Variants in TRPC6 observed in about 807,000 individuals in gnomAD.
TRPC6 encodes the protein short transient receptor potential channel 6.
In TRPC6, 55 loss-of-function variants were observed where a neutral mutation model predicts 90.7. That is an observed-to-expected ratio of 0.61 (90% CI 0.49 to 0.76). The LOEUF (loss-of-function observed/expected upper bound fraction) is 0.76. TRPC6 is among the 30% of genes least tolerant of loss of function. The probability of loss-of-function intolerance (pLI) is 0.00; values close to 1 mark genes in which losing one functional copy is unlikely to be tolerated. For missense variants in TRPC6, 989 were observed against 1,122.7 expected (o/e 0.88, Z 1.70); for synonymous variants, 393 against 393.0 (o/e 1.00, Z 0.00).
chr11:101,518,692 A>G (rs1308792745), intron 1 of TRPC6, among the ~76,000 whole-genome samples: 1 of 152,230 alleles, frequency 6.6e-6, no homozygotes, highest in Non-Finnish European at 1.5e-5. Flanking sequence ...TGCTGGGTAT[A>G]TACACAAAAG....
intron 1 of TRPC6, among the ~76,000 whole-genome samples, chr11:101,571,760 G>C (rs1482252939): frequency 6.6e-6 from 1 of 152,152 alleles, no homozygotes; most frequent in Non-Finnish European, 1.5e-5. Context: ...GCAAAAACAA[G>C]AAATGGGGAA....
intron 10 of TRPC6, among the ~76,000 whole-genome samples, chr11:101,465,340 C>T (rs7947695): frequency 0.31 from 46,742 of 152,024 alleles, 9,325 homozygotes; most frequent in African/African-American, 0.57. Context: ...GCCTGTCTTA[C>T]TGGGTTGGGG....
chr11:101,516,880 C>T (rs1860535297), intron 1 of TRPC6, among the ~76,000 whole-genome samples: 1 of 152,256 alleles, frequency 6.6e-6, no homozygotes, highest in Admixed American at 6.5e-5. Context: ...CACATTACCT[C>T]AGAGGCGAGA....
At chr11:101,511,898 C>G (rs11224808) in intron 1 of TRPC6, among the ~76,000 whole-genome samples, 1 of 151,880 alleles carries the variant, frequency 6.6e-6, no homozygotes, top group Non-Finnish European at 1.5e-5. Flanking sequence ...GAGGCTGAGG[C>G]GAGAGAATAG....
intron 1 of TRPC6, among the ~76,000 whole-genome samples, chr11:101,517,256 C>T (rs1301879397): frequency 6.6e-6 from 1 of 152,126 alleles, no homozygotes; most frequent in East Asian, 1.9e-4. Context: ...CTTTGGTACA[C>T]CATAAAGCAA....
chr11:101,510,941 C>T (rs1652278050), intron 1 of TRPC6, among the ~76,000 whole-genome samples: 1 of 152,096 alleles, frequency 6.6e-6, no homozygotes, highest in African/African-American at 2.4e-5. Context: ...TTTAAAAATC[C>T]TTACAAATAT....
At chr11:101,466,662 C>T (rs768454463) in intron 10 of TRPC6, among the ~76,000 whole-genome samples, 4 of 152,308 alleles carry the variant, frequency 2.6e-5, no homozygotes, top group African/African-American at 9.6e-5. Context: ...TGGGACCCAC[C>T]GAGCCAGACC....
At chr11:101,559,226 A>T (rs1362249449) in intron 1 of TRPC6, among the ~76,000 whole-genome samples, 2 of 151,710 alleles carry the variant, frequency 1.3e-5, no homozygotes, top group Non-Finnish European at 2.9e-5. Context: ...AAAAGAAGAC[A>T]TCCAAATGGC....
intron 1 of TRPC6, among the ~76,000 whole-genome samples, chr11:101,545,311 GATT>G (rs1861277038): frequency 6.6e-6 from 1 of 152,080 alleles, no homozygotes; most frequent in South Asian, 2.1e-4. Context: ...GTAATATAGA[GATT>G]ATTTATAGTA....
intron 1 of TRPC6, among the ~76,000 whole-genome samples, chr11:101,557,207 T>C (rs1861580888): frequency 6.6e-6 from 1 of 151,940 alleles, no homozygotes; most frequent in African/African-American, 2.4e-5. Flanking sequence ...ATACAAAAAT[T>C]AGCCAGGCAT....
intron 1 of TRPC6, among the ~76,000 whole-genome samples, chr11:101,523,929 G>C (rs1158688442): frequency 6.6e-6 from 1 of 152,084 alleles, no homozygotes; most frequent in East Asian, 1.9e-4. Flanking sequence ...AAAACATATT[G>C]TCCCCTGTTA....
At chr11:101,558,040 C>T (rs560102347) in intron 1 of TRPC6, among the ~76,000 whole-genome samples, 5 of 151,954 alleles carry the variant, frequency 3.3e-5, no homozygotes, top group African/African-American at 9.6e-5. Context: ...TCCTAAAATT[C>T]ATATGGAACT....
intron 1 of TRPC6, among the ~76,000 whole-genome samples, chr11:101,530,560 C>T (rs1459425548): frequency 6.6e-6 from 1 of 152,140 alleles, no homozygotes; most frequent in African/African-American, 2.4e-5. Flanking sequence ...CACCAAGTGA[C>T]CCTTCCCAGG....
At chr11:101,522,432 T>A (rs935160055) in intron 1 of TRPC6, among the ~76,000 whole-genome samples, 1 of 152,204 alleles carries the variant, frequency 6.6e-6, no homozygotes, top group Non-Finnish European at 1.5e-5. Flanking sequence ...TGCAGAACTG[T>A]GAGTCAATTA....
intron 1 of TRPC6, among the ~76,000 whole-genome samples, chr11:101,514,555 C>T (rs1266973197): frequency 6.6e-6 from 1 of 152,138 alleles, no homozygotes; most frequent in Non-Finnish European, 1.5e-5. Flanking sequence ...CATAAGAGTT[C>T]CCATCCCCAA....
chr11:101,474,875 C>G (rs1327740098), intron 6 of TRPC6, among the ~76,000 whole-genome samples: 2 of 152,136 alleles, frequency 1.3e-5, no homozygotes, highest in African/African-American at 4.8e-5. Flanking sequence ...TATCTGATTG[C>G]TAAATTGGGA....
At position 101,555,263 on chromosome 11, in the gene TRPC6, G is replaced by A. The variant is rs75824398; in HGVS notation, c.170+28071C>T. On this transcript the variant is annotated intron_variant, in intron 1 of 12. Transcript: ENST00000344327. The stretch of plus-strand genomic sequence containing the variant: ...GGTGTCAACGGGTCATGGAACATAC[G>A]AGGACTCCACATTATTTCTTCCGTT... Among the ~76,000 whole-genome samples, 1,192 of 152,256 alleles carry A rather than the reference G, an allele frequency of 7.8e-3. 14 individuals carry two copies. The highest frequency in any genetic ancestry group is 0.027 in the African/African-American group (1,139 of 41,548).
intron 4 of TRPC6, among the ~76,000 whole-genome samples, chr11:101,485,495 T>G (rs1450950863): frequency 1.4e-4 from 21 of 152,164 alleles, no homozygotes; most frequent in Admixed American, 1.4e-3. Context: ...TATGATTTAT[T>G]TTAACCGTGT....
intron 9 of TRPC6, among the ~76,000 whole-genome samples, chr11:101,470,514 C>A (rs1050568891): frequency 6.6e-6 from 1 of 152,154 alleles, no homozygotes. Flanking sequence ...CAGCAGAGAT[C>A]TTTGCATAGC....
Sources: gnomAD v4.1 joint callset for allele counts (sites outside exome capture counted in the v4.1 genomes callset) on GRCh38, gnomAD v4.1.1 for gene constraint, MANE v1.5 for transcripts, NCBI Gene and HGNC (gene_info 2026-07-23, HGNC 2026-07-21) for gene names.